Variants in SOBP observed in about 807,000 individuals in gnomAD.
SOBP encodes the protein sine oculis-binding protein homolog.
SOBP carries 4 observed loss-of-function variants against 53.6 expected under a neutral mutation model. That is an observed-to-expected ratio of 0.07 (90% CI 0.04 to 0.17). The LOEUF (loss-of-function observed/expected upper bound fraction) is 0.17, where lower values mean the gene tolerates loss of function less well. SOBP is among the 10% of genes least tolerant of loss of function. SOBP has a pLI of 1.00. For synonymous variants in SOBP, 584 were observed against 522.6 expected (o/e 1.12, Z -1.60); for missense variants, 1,088 against 1,204.7 (o/e 0.90, Z 1.43).
At chr6:107,560,117 C>T (rs1362781658) in intron 4 of SOBP, among the ~76,000 whole-genome samples, 1 of 152,140 alleles carries the variant, frequency 6.6e-6, no homozygotes, top group Non-Finnish European at 1.5e-5. Context: ...TCTTTTCTCT[C>T]CTCTAGTTTG....
rs1255756251 is a variant in SOBP at position 107,634,622 on chromosome 6, A to G, written c.1778A>G (p.Lys593Arg). ...SPRDSKQGSS[K>R]SADSPPGCSG... ...CGGGACTCCAAGCAGGGCTCGTCCA[A>G]GTCCGCGGACTCGCCCCCCGGCTGC... Residue 593 changes from lysine (K) to arginine (R), a missense_variant, in exon 6 of 7, where the codon AAG becomes AGG. Lys to Arg is a conservative substitution (Grantham distance 26, BLOSUM62 2). Coordinates refer to ENST00000317357, the MANE Select transcript of SOBP (RefSeq NM_018013.4). The surrounding 1 kb of genome is among the most constrained non-coding windows in gnomAD (Gnocchi z 4.5). The G allele has an allele frequency of 3.1e-6, 5 of 1,592,086 alleles. No homozygotes were observed. The highest frequency in any genetic ancestry group is 4.3e-6 in the Non-Finnish European group (5 of 1,175,462).
intron 4 of SOBP, among the ~76,000 whole-genome samples, chr6:107,548,788 A>G (rs1784380472): frequency 6.6e-6 from 1 of 152,024 alleles, no homozygotes; most frequent in African/African-American, 2.4e-5. Flanking sequence ...TATAAAAAAA[A>G]TCACCCAGGT....
chr6:107,581,106 T>G (rs1425577999), intron 4 of SOBP, among the ~76,000 whole-genome samples: 2 of 152,218 alleles, frequency 1.3e-5, no homozygotes, highest in Non-Finnish European at 2.9e-5. Context: ...GAACGCAGTT[T>G]CCACACTCAA....
chr6:107,508,011 T>C (rs1258097812), intron 3 of SOBP, among the ~76,000 whole-genome samples: 1 of 152,150 alleles, frequency 6.6e-6, no homozygotes, highest in African/African-American at 2.4e-5. Context: ...TCCTAGAATG[T>C]TTAATTGTAA....
At chr6:107,629,219 A>T (rs952882106) in intron 5 of SOBP, among the ~76,000 whole-genome samples, 21 of 144,502 alleles carry the variant, frequency 1.5e-4, no homozygotes, top group African/African-American at 4.8e-4. Context: ...GCATTCACGG[A>T]GGTGCTAATA....
intron 5 of SOBP, among the ~76,000 whole-genome samples, chr6:107,602,568 T>TA (rs71810335): frequency 0.054 from 5,548 of 102,752 alleles, 307 homozygotes; most frequent in African/African-American, 0.15. Context: ...TAAGCCGCGT[T>TA]AAAAAAAAAA....
At chr6:107,527,475 T>A (rs538121596) in intron 3 of SOBP, among the ~76,000 whole-genome samples, 7 of 152,334 alleles carry the variant, frequency 4.6e-5, no homozygotes, top group Non-Finnish European at 1.0e-4. Flanking sequence ...GAGAGACTGG[T>A]GCCTGGTCAC....
rs1047743152 is a variant in SOBP, at chr6:107,624,133, C to T, written c.670-9381C>T. ...GAATAAAAAAATAAAATATAAAAAG[C>T]GAAGGCCTAACAGTGGGACTTGACT... On this transcript the variant is annotated intron_variant, in intron 5 of 6. Transcript: ENST00000317357. 7.2e-5 allele frequency among the ~76,000 whole-genome samples: 11 copies of T among 152,164 alleles called. No homozygotes were observed. The East Asian group carries it at 1.7e-3, about 24-fold the overall frequency.
intron 5 of SOBP, among the ~76,000 whole-genome samples, chr6:107,611,247 C>T (rs941016392): frequency 3.9e-5 from 6 of 152,188 alleles, no homozygotes; most frequent in African/African-American, 1.4e-4. Context: ...TGTTTATTAT[C>T]CTTCTGAATG....
Position 107,634,776 on chromosome 6 carries a change from C to A in SOBP, c.1932C>A (p.Gly644=). 1 of 1,374,958 alleles carries A rather than the reference C, an allele frequency of 7.3e-7. No individual in the cohort carries two copies. Among genetic ancestry groups the A allele is most frequent in the Non-Finnish European group, 9.4e-7 (1 of 1,064,080 alleles). The allele number at this position is 1,374,958 out of a possible 1,614,324, so 85.2% of individuals were successfully genotyped here. The part of the protein sequence containing the change: ...PGAGGQLGFP[G]VLQGPQDGVI... ...CGGGCGGCCAGCTCGGCTTCCCAGG[C>A]GTGCTGCAGGGCCCGCAGGACGGCG... The change falls in exon 6 of 7, where the codon GGC becomes GGA. Residue 644 remains glycine, a synonymous_variant. Transcript: ENST00000317357. The surrounding 1 kb of genome is among the most constrained non-coding windows in gnomAD (Gnocchi z 4.5).
intron 4 of SOBP, among the ~76,000 whole-genome samples, chr6:107,579,215 G>C (rs117209045): frequency 8.5e-5 from 13 of 152,244 alleles, no homozygotes; most frequent in Middle Eastern, 3.4e-3. Context: ...ATCCAGTGTC[G>C]ATTAAGCTTC....
chr6:107,647,109 T>C (rs1192792219), intron 6 of SOBP, among the ~76,000 whole-genome samples: 1 of 152,208 alleles, frequency 6.6e-6, no homozygotes, highest in Non-Finnish European at 1.5e-5. Flanking sequence ...GCTGTGAGGA[T>C]TTGGACAAGT....
At chr6:107,497,336 A>G (rs989352225) in intron 1 of SOBP, among the ~76,000 whole-genome samples, 8 of 152,232 alleles carry the variant, frequency 5.3e-5, no homozygotes, top group Non-Finnish European at 8.8e-5. Flanking sequence ...AATGTTTTGA[A>G]GTTAAGTAAT....
chr6:107,528,873 C>G (rs1404944168), intron 3 of SOBP, among the ~76,000 whole-genome samples: 2 of 152,176 alleles, frequency 1.3e-5, no homozygotes, highest in Non-Finnish European at 2.9e-5. Flanking sequence ...CAGTAAGGCT[C>G]TGATATGTAC....
intron 4 of SOBP, among the ~76,000 whole-genome samples, chr6:107,553,543 G>A (rs1485921171): frequency 2.0e-5 from 3 of 151,488 alleles, no homozygotes; most frequent in Admixed American, 1.3e-4. Context: ...CCAGGCTGGA[G>A]TGCAGTGGTC....
intron 6 of SOBP, among the ~76,000 whole-genome samples, chr6:107,649,939 T>C (rs1378444400): frequency 1.3e-5 from 2 of 152,126 alleles, no homozygotes; most frequent in African/African-American, 4.8e-5. Flanking sequence ...TGACCACTTA[T>C]AAGAAAAAAC....
At chr6:107,550,308 GGTGCC>G (rs1309731077) in intron 4 of SOBP, among the ~76,000 whole-genome samples, 3 of 152,168 alleles carry the variant, frequency 2.0e-5, no homozygotes, top group Non-Finnish European at 2.9e-5. Flanking sequence ...CTCAGGGCTG[GGTGCC>G]GTGGAAATTA....
At chr6:107,614,291 T>A (rs906012535) in intron 5 of SOBP, among the ~76,000 whole-genome samples, 4 of 152,126 alleles carry the variant, frequency 2.6e-5, no homozygotes, top group African/African-American at 7.2e-5. Context: ...CCCAGCTACT[T>A]GGGAGGCTGC....
intron 5 of SOBP, among the ~76,000 whole-genome samples, chr6:107,614,906 T>G (rs539224484): frequency 1.3e-5 from 2 of 152,360 alleles, no homozygotes; most frequent in Admixed American, 1.3e-4. Context: ...TCTGAAATAT[T>G]TAGAGTTAAT....
Sources: gnomAD v4.1 joint callset for allele counts (sites outside exome capture counted in the v4.1 genomes callset) on GRCh38, gnomAD v4.1.1 for gene constraint, Gnocchi (gnomAD v3.1) non-coding constraint, MANE v1.5 for transcripts, NCBI Gene and HGNC (gene_info 2026-07-23, HGNC 2026-07-21) for gene names.